Variants in ADAMTS12 observed in about 807,000 individuals in gnomAD.
The protein encoded by ADAMTS12 is A disintegrin and metalloproteinase with thrombospondin motifs 12.
In ADAMTS12, 118 loss-of-function variants were observed where a neutral mutation model predicts 167.8. The ratio of observed to expected loss-of-function variants is 0.70; its 90% CI spans 0.61 to 0.82. The LOEUF (loss-of-function observed/expected upper bound fraction) is 0.82, where lower values mean the gene tolerates loss of function less well. ADAMTS12 is among the 40% of genes least tolerant of loss of function. The probability of loss-of-function intolerance (pLI) is 0.00; values close to 1 mark genes in which losing one functional copy is unlikely to be tolerated. For missense variants in ADAMTS12, 1,916 were observed against 1,998.8 expected, an observed-to-expected ratio of 0.96 and a Z score of 0.79; for synonymous variants, 704 against 716.9, an observed-to-expected ratio of 0.98 and a Z score of 0.29.
In ADAMTS12 at chr5:33,630,917, A is replaced by C. The variant is rs1561181943; in HGVS notation, c.1889-4T>G. ...CAGTAGAGCTCACAAGGATGTGCTG[A>C]AGGGAAAAAAGAAGGCAAAGCCTTG... On this transcript the variant is annotated splice_region_variant and splice_polypyrimidine_tract_variant and intron_variant, in intron 12 of 23. Transcript: ENST00000504830. 2.5e-6 allele frequency: 4 copies of C among 1,611,726 alleles called. No homozygotes were observed. Among genetic ancestry groups the C allele is most frequent in the Non-Finnish European group, 3.4e-6 (4 of 1,178,290 alleles).
At chr5:33,850,766 C>T (rs1429762908) in intron 2 of ADAMTS12, among the ~76,000 whole-genome samples, 1 of 152,158 alleles carries the variant, frequency 6.6e-6, no homozygotes, top group African/African-American at 2.4e-5. Flanking sequence ...GGTCCCTGGG[C>T]TGCAAGGATC....
chr5:33,718,522 T>C (rs959308742), intron 3 of ADAMTS12, among the ~76,000 whole-genome samples: 1 of 152,194 alleles, frequency 6.6e-6, no homozygotes, highest in African/African-American at 2.4e-5. Flanking sequence ...TAATGCCTGA[T>C]GATCTAAGGT....
At chr5:33,699,679 G>GTGTA (rs1468167206) in intron 3 of ADAMTS12, among the ~76,000 whole-genome samples, 3 of 152,138 alleles carry the variant, frequency 2.0e-5, no homozygotes, top group Non-Finnish European at 4.4e-5. Flanking sequence ...AAAGCCACCA[G>GTGTA]ATTGTTGTAC....
chr5:33,579,456 T>A (rs1424264973), intron 18 of ADAMTS12, among the ~76,000 whole-genome samples: 1 of 152,230 alleles, frequency 6.6e-6, no homozygotes, highest in African/African-American at 2.4e-5. Context: ...TTTATTTTCT[T>A]TCTCTTCTTT....
Position 33,525,213 on chromosome 5 carries a change from C to G in ADAMTS12, c.*1975G>C, listed in dbSNP as rs371940976. 1 of 152,250 alleles carries G rather than the reference C, an allele frequency of 6.6e-6. No individual in the cohort carries two copies. The highest frequency in any genetic ancestry group is 2.4e-5 in the African/African-American group (1 of 41,468). 9.4% of individuals were successfully genotyped at this position (152,250 alleles called of 1,614,324 possible). ...GTCACTAACAATTTAAGTGTCTCCTCTCCTCGAAAACCATTATTCACCAGA... is the reference window on the plus strand; with the variant it reads ...GTCACTAACAATTTAAGTGTCTCCTGTCCTCGAAAACCATTATTCACCAGA... On this transcript the variant is annotated 3_prime_UTR_variant, in exon 24 of 24. Transcript: ENST00000504830.
intron 3 of ADAMTS12, among the ~76,000 whole-genome samples, chr5:33,708,213 T>C (rs986951959): frequency 1.1e-4 from 17 of 152,170 alleles, no homozygotes; most frequent in African/African-American, 3.9e-4. Flanking sequence ...TCATCACTGG[T>C]CTTTAGAGAA....
intron 2 of ADAMTS12, among the ~76,000 whole-genome samples, chr5:33,843,372 C>T (rs950012099): frequency 1.3e-5 from 2 of 152,120 alleles, no homozygotes; most frequent in African/African-American, 4.8e-5. Context: ...ATCAATGCCC[C>T]GTGGCTTGAC....
At chr5:33,763,640 A>G (rs1197901899) in intron 2 of ADAMTS12, among the ~76,000 whole-genome samples, 1 of 152,250 alleles carries the variant, frequency 6.6e-6, no homozygotes, top group Non-Finnish European at 1.5e-5. Context: ...CCAAAGGTCC[A>G]TGACATTAGG....
chr5:33,619,875 A>G (rs1468960515), intron 14 of ADAMTS12, among the ~76,000 whole-genome samples: 1 of 152,084 alleles, frequency 6.6e-6, no homozygotes, highest in Non-Finnish European at 1.5e-5. Context: ...TTGTACTTTT[A>G]GTAGAGACAG....
intron 2 of ADAMTS12, among the ~76,000 whole-genome samples, chr5:33,776,571 G>A (rs1179384850): frequency 4.6e-5 from 7 of 151,986 alleles, no homozygotes; most frequent in African/African-American, 1.4e-4. Flanking sequence ...CGCAGCAAAA[G>A]CAATTCTAAG....
intron 20 of ADAMTS12, among the ~76,000 whole-genome samples, chr5:33,557,903 C>T (rs1745556963): frequency 6.6e-6 from 1 of 151,940 alleles, no homozygotes; most frequent in Non-Finnish European, 1.5e-5. Context: ...GGATGCAAAG[C>T]CTATTGTGAA....
chr5:33,761,461 T>C (rs12109370), intron 2 of ADAMTS12, among the ~76,000 whole-genome samples: 33,724 of 152,134 alleles, frequency 0.22, 5,051 homozygotes, highest in East Asian at 0.55. Context: ...CATAGGCTAA[T>C]CAGGAGGAAT....
chr5:33,704,301 A>G (rs1168367018), intron 3 of ADAMTS12, among the ~76,000 whole-genome samples: 3 of 152,216 alleles, frequency 2.0e-5, no homozygotes, highest in Admixed American at 6.5e-5. Flanking sequence ...TAATGCTGCA[A>G]TGAACATGGG....
In ADAMTS12 at chr5:33,561,033, C is replaced by G; in HGVS notation, c.4119G>C (p.Trp1373Cys). Residue 1373 changes from tryptophan (W) to cysteine (C), a missense_variant, in exon 20 of 24, where the codon TGG becomes TGC. Trp to Cys is a radical substitution (Grantham distance 215). Coordinates refer to ENST00000504830, the MANE Select transcript of ADAMTS12 (RefSeq NM_030955.4). ...GCCAAGCCTGATAAGTTACCTTGCTCCAGTTTCCCACTTTCCAGCCAGCAC... is the reference window on the plus strand; with the variant it reads ...GCCAAGCCTGATAAGTTACCTTGCTGCAGTTTCCCACTTTCCAGCCAGCAC... ...RPCAGWKVGN[W>C]SKCSRNCSGG... 1 of 1,614,118 alleles carries G rather than the reference C, an allele frequency of 6.2e-7. No homozygotes were observed. The highest frequency in any genetic ancestry group is 8.5e-7 in the Non-Finnish European group (1 of 1,179,998).
intron 7 of ADAMTS12, among the ~76,000 whole-genome samples, chr5:33,652,746 G>C (rs906769949): frequency 6.6e-6 from 1 of 152,098 alleles, no homozygotes; most frequent in Non-Finnish European, 1.5e-5. Context: ...TGTAGTTTCA[G>C]GACTTACATT....
intron 2 of ADAMTS12, among the ~76,000 whole-genome samples, chr5:33,822,154 G>A (rs10472898): frequency 2.0e-5 from 3 of 152,128 alleles, no homozygotes; most frequent in African/African-American, 7.2e-5. Context: ...CCACAATTGA[G>A]AGATCCTATT....
chr5:33,723,051 T>A lies in ADAMTS12; in HGVS notation c.634+28353A>T, dbSNP rs139357631. 1.6e-3 allele frequency among the ~76,000 whole-genome samples: 243 copies of A among 152,298 alleles called. 1 individual carries two copies. The highest frequency in any genetic ancestry group is 5.6e-3 in the African/African-American group (234 of 41,576). The stretch of plus-strand genomic sequence containing the variant: ...ATCAGGGGTCAAGGCAGGACAGTGC[T>A]GTGGCCCTGATGGATGGCTTTGAAA... On this transcript the variant is annotated intron_variant, in intron 3 of 23. Coordinates refer to ENST00000504830, the MANE Select transcript of ADAMTS12 (RefSeq NM_030955.4).
At chr5:33,627,035 ATGGTGG>A (rs1250592595) in intron 13 of ADAMTS12, among the ~76,000 whole-genome samples, 1 of 139,074 alleles carries the variant, frequency 7.2e-6, no homozygotes, top group Non-Finnish European at 1.5e-5. Context: ...TGATTTGATG[ATGGTGG>A]TGGTGGTGAT....
intron 5 of ADAMTS12, among the ~76,000 whole-genome samples, chr5:33,663,879 T>C (rs1741372317): frequency 6.6e-6 from 1 of 152,204 alleles, no homozygotes; most frequent in African/African-American, 2.4e-5. Context: ...ACATTACCAT[T>C]TACAATTACC....
Sources: allele counts gnomAD v4.1 joint callset (sites outside exome capture counted in the v4.1 genomes callset), GRCh38; gene constraint gnomAD v4.1.1; transcripts MANE v1.5; gene names NCBI Gene and HGNC (gene_info 2026-07-23, HGNC 2026-07-21).